EPS8L2: variants seen among roughly 807,000 people sequenced by gnomAD.
EPS8L2 encodes the protein EPS8 signaling adaptor L2.
EPS8L2 carries 81 observed loss-of-function variants against 99.4 expected under a neutral mutation model. The ratio of observed to expected loss-of-function variants is 0.82; its 90% confidence interval spans 0.68 to 0.98. The LOEUF (loss-of-function observed/expected upper bound fraction) is 0.98, where lower values mean the gene tolerates loss of function less well. Ranked by LOEUF, EPS8L2 falls within the 50% of genes least tolerant of loss-of-function variation. The probability of loss-of-function intolerance (pLI) is 0.00; values close to 1 mark genes in which losing one functional copy is unlikely to be tolerated. For synonymous variants in EPS8L2, 509 were observed against 407.3 expected, an observed-to-expected ratio of 1.25 and a Z score of -3.01; for missense variants, 1,155 against 968.8, an observed-to-expected ratio of 1.19 and a Z score of -2.55.
In EPS8L2 at chr11:727,100, A is replaced by G; in HGVS notation, c.*119A>G. On this transcript the variant is annotated 3_prime_UTR_variant, in exon 21 of 21. Coordinates refer to ENST00000318562, the MANE Select transcript of EPS8L2 (RefSeq NM_022772.4). ...ACACGGAGGGGGTGTGGTGCTGGCTAGAGGTCCCTGCCCCTGTCTGGAGGC... is the reference window on the plus strand; with the variant it reads ...ACACGGAGGGGGTGTGGTGCTGGCTGGAGGTCCCTGCCCCTGTCTGGAGGC... 1 of 740,898 alleles carries G rather than the reference A, an allele frequency of 1.3e-6. No homozygotes were observed. Among genetic ancestry groups the G allele is most frequent in the Non-Finnish European group, 2.3e-6 (1 of 443,674 alleles). The allele number at this position is 740,898 out of a possible 1,614,324, so 45.9% of individuals were successfully genotyped here. A position where few individuals can be genotyped will look rare whatever the true frequency, so the allele number is the denominator to read the frequency against.
intron 3 of EPS8L2, 60 bp from the exon 4 acceptor site, chr11:710,362 A>G (rs1861852065): frequency 1.4e-5 from 22 of 1,549,770 alleles, no homozygotes; most frequent in African/African-American, 2.7e-5. Flanking sequence ...TCCAGTCCCA[A>G]CTGGACGGGA....
Position 724,515 on chromosome 11 carries a change from C to G in EPS8L2, c.1455-209C>G. 1 of 582,632 alleles carries G rather than the reference C, an allele frequency of 1.7e-6. No individual in the cohort carries two copies. The highest frequency in any genetic ancestry group is 2.9e-5 in the East Asian group (1 of 34,636). The allele number at this position is 582,632 out of a possible 1,614,324, so 36.1% of individuals were successfully genotyped here. A position where few individuals can be genotyped will look rare whatever the true frequency, so the allele number is the denominator to read the frequency against. Reference sequence around the variant, plus strand: ...TGCGCCACGCCCACCTCCTGCCTGCCCCGCCTCCACGCAGGGCCCCAAAGC... The same window carrying G: ...TGCGCCACGCCCACCTCCTGCCTGCGCCGCCTCCACGCAGGGCCCCAAAGC... On this transcript the variant is annotated intron_variant, in intron 15 of 20. Transcript: ENST00000318562. The surrounding 1 kb of genome is among the most constrained non-coding windows in gnomAD (Gnocchi z 5.5).
chr11:727,024 C>G lies in EPS8L2; in HGVS notation c.*43C>G. ...TGGGGCCTGCGGAGGGGAAGCCCAC[C>G]CACAATGCATGGAGTATTATTTTTA... On this transcript the variant is annotated 3_prime_UTR_variant, in exon 21 of 21. Coordinates refer to ENST00000318562, the MANE Select transcript of EPS8L2 (RefSeq NM_022772.4). 1 of 1,296,680 alleles carries G rather than the reference C, an allele frequency of 7.7e-7. No homozygotes were observed. The highest frequency in any genetic ancestry group is 1.5e-5 in the African/African-American group (1 of 68,438). The allele number at this position is 1,296,680 out of a possible 1,614,324, so 80.3% of individuals were successfully genotyped here. A position where few individuals can be genotyped will look rare whatever the true frequency, so the allele number is the denominator to read the frequency against.
chr11:715,212 A>G (rs1290013594), intron 4 of EPS8L2, among the ~76,000 whole-genome samples: 1 of 151,850 alleles, frequency 6.6e-6, no homozygotes, highest in African/African-American at 2.4e-5. Context: ...ACTGCACTCC[A>G]GCCTGGGAGA....
chr11:725,761 C>A lies in EPS8L2; in HGVS notation c.1594C>A (p.Arg532Ser). The change falls in exon 17 of 21, where the codon CGC becomes AGC. Residue 532 changes from arginine (R) to serine (S), a missense_variant. By Grantham distance (110) the Arg-to-Ser change is moderately radical (BLOSUM62 -1). Transcript: ENST00000318562. The part of the protein sequence containing the change: ...LEDGRQWWKL[R>S]SRSGQAGYVP... Reference sequence around the variant, plus strand: ...GGACGGCCGGCAGTGGTGGAAGCTGCGCAGCCGCAGCGGCCAGGCGGGGTA... The same window carrying A: ...GGACGGCCGGCAGTGGTGGAAGCTGAGCAGCCGCAGCGGCCAGGCGGGGTA... The A allele has an allele frequency of 7.4e-7, 1 of 1,346,704 alleles. No homozygotes were observed. The allele number at this position is 1,346,704 out of a possible 1,614,324, so 83.4% of individuals were successfully genotyped here.
rs1186727334 is a variant in EPS8L2 at position 726,181 on chromosome 11, C to A, written c.1753+11C>A. 6.2e-7 allele frequency: 1 copy of A among 1,604,238 alleles called. No homozygotes were observed. Among genetic ancestry groups the A allele is most frequent in the Non-Finnish European group, 8.5e-7 (1 of 1,175,250 alleles). On this transcript the variant is annotated intron_variant, in intron 18 of 20. Coordinates refer to ENST00000318562, the MANE Select transcript of EPS8L2 (RefSeq NM_022772.4). Reference sequence around the variant, plus strand: ...CGGGGAACAAAGACGGTGAGAGCTGCTGCTTCGAGGCGGGGGTCCCGGGCC... The same window carrying A: ...CGGGGAACAAAGACGGTGAGAGCTGATGCTTCGAGGCGGGGGTCCCGGGCC...
chr11:720,568 C>G (rs777769940), intron 5 of EPS8L2, 29 bp from the exon 6 acceptor site: 2 of 1,584,630 alleles, frequency 1.3e-6, no homozygotes, highest in Admixed American at 3.6e-5. Flanking sequence ...ACCCCGGGTG[C>G]GAGTCGTGTC....
chr11:716,946 A>G (rs1862041271), intron 4 of EPS8L2, among the ~76,000 whole-genome samples: 1 of 152,132 alleles, frequency 6.6e-6, no homozygotes, highest in Non-Finnish European at 1.5e-5. Flanking sequence ...GTGGCCTCAT[A>G]GTCCCTTGCG....
At chr11:707,504 C>A (rs183488163) in intron 1 of EPS8L2, among the ~76,000 whole-genome samples, 20 of 152,334 alleles carry the variant, frequency 1.3e-4, no homozygotes, top group African/African-American at 4.8e-4. Context: ...CCGGGCACCC[C>A]GCTCTGCCTC....
chr11:720,787 G>T (rs1442850852), intron 6 of EPS8L2, 41 bp downstream of exon 6: 5 of 1,541,432 alleles, frequency 3.2e-6, no homozygotes, highest in Admixed American at 2.0e-5. Flanking sequence ...GCCCCGCCGC[G>T]CCGCGCCCCG....
chr11:711,358 G>T (rs1861886988), intron 4 of EPS8L2, among the ~76,000 whole-genome samples: 1 of 151,140 alleles, frequency 6.6e-6, no homozygotes, highest in Admixed American at 6.6e-5. Flanking sequence ...TTCATTTTGA[G>T]ACAGGGTCTA....
At chr11:710,925 G>T (rs1861872239) in intron 4 of EPS8L2, among the ~76,000 whole-genome samples, 1 of 152,220 alleles carries the variant, frequency 6.6e-6, no homozygotes, top group Non-Finnish European at 1.5e-5. Flanking sequence ...CCAGTCCTGG[G>T]AACTCGCGGC....
At position 724,051 on chromosome 11, in the gene EPS8L2, C is replaced by A. The variant is rs1244692472; in HGVS notation, c.1455-673C>A. Among the ~76,000 whole-genome samples, 5 of 152,226 alleles carry A rather than the reference C, an allele frequency of 3.3e-5. No homozygotes were observed. The highest frequency in any genetic ancestry group is 7.3e-5 in the Non-Finnish European group (5 of 68,040). On this transcript the variant is annotated intron_variant, in intron 15 of 20. Coordinates refer to ENST00000318562, the MANE Select transcript of EPS8L2 (RefSeq NM_022772.4). This position sits in a 1 kb window ranked among gnomAD's most constrained non-coding sequence, Gnocchi z 5.5. ...AAACATTTCCACCCTTTGACTTCAG[C>A]TCCTGGTCTGTCCACCCTGGCCATG...
intron 3 of EPS8L2, chr11:709,882 C>T (rs1861837617): frequency 1.8e-6 from 1 of 544,404 alleles, no homozygotes; most frequent in East Asian, 3.1e-5. Context: ...CTGATCACAG[C>T]GAGGTTCAGG....
chr11:727,048 T>C lies in EPS8L2; in HGVS notation c.*67T>C. On this transcript the variant is annotated 3_prime_UTR_variant, in exon 21 of 21. Transcript: ENST00000318562. ...CCCACAATGCATGGAGTATTATTTTTATATGTGTATGTATTTTGTATCAAG... is the reference window on the plus strand; with the variant it reads ...CCCACAATGCATGGAGTATTATTTTCATATGTGTATGTATTTTGTATCAAG... 1 of 1,094,326 alleles carries C rather than the reference T, an allele frequency of 9.1e-7. No individual in the cohort carries two copies. The allele number at this position is 1,094,326 out of a possible 1,614,324, so 67.8% of individuals were successfully genotyped here. A position where few individuals can be genotyped will look rare whatever the true frequency, so the allele number is the denominator to read the frequency against.
Position 721,368 on chromosome 11 carries a change from C to A in EPS8L2, c.768+16C>A. The A allele has an allele frequency of 6.5e-7, 1 of 1,539,194 alleles. No individual in the cohort carries two copies. On this transcript the variant is annotated intron_variant, in intron 9 of 20. Coordinates refer to ENST00000318562, the MANE Select transcript of EPS8L2 (RefSeq NM_022772.4). ...GAAGGAGACGGTGGGTGCCCGGGCC[C>A]GGCAGGTGGCCCCTCTCTTCCCCGC...
chr11:719,927 C>A, intron 4 of EPS8L2, 135 bp from the exon 5 acceptor site: 1 of 735,766 alleles, frequency 1.4e-6, no homozygotes, highest in Non-Finnish European at 2.2e-6. Flanking sequence ...CCACCAAAGG[C>A]GGGGCCGGTC....
At chr11:709,213 T>C in intron 1 of EPS8L2, 117 bp from the exon 2 acceptor site, 1 of 583,024 alleles carries the variant, frequency 1.7e-6, no homozygotes, top group Non-Finnish European at 2.8e-6. Context: ...GGGCAGGGGC[T>C]CTGCCCCCCA....
Position 721,109 on chromosome 11 carries a change from T to TC in EPS8L2, c.607dup (p.Gln203ProfsTer109), listed in dbSNP as rs1284887595. Reference sequence around the variant, plus strand: ...GGCAGCGGCAGTCCATCCTGCCTCCTCCCCAGGGCCCGGCGCCCATCCCCT... The same window carrying TC: ...GGCAGCGGCAGTCCATCCTGCCTCCTCCCCCAGGGCCCGGCGCCCATCCCCT... On this transcript the variant is annotated frameshift_variant, in exon 8 of 21. Coordinates refer to ENST00000318562, the MANE Select transcript of EPS8L2 (RefSeq NM_022772.4). LOFTEE classifies it high-confidence loss of function. 6.5e-7 allele frequency: 1 copy of TC among 1,531,042 alleles called. No homozygotes were observed. The highest frequency in any genetic ancestry group is 8.8e-7 in the Non-Finnish European group (1 of 1,141,350). 94.8% of individuals were successfully genotyped at this position (1,531,042 alleles called of 1,614,324 possible).
Sources: gnomAD v4.1 joint callset for allele counts (sites outside exome capture counted in the v4.1 genomes callset) on GRCh38, gnomAD v4.1.1 for gene constraint, Gnocchi (gnomAD v3.1) non-coding constraint, MANE v1.5 for transcripts, NCBI Gene and HGNC (gene_info 2026-07-23, HGNC 2026-07-21) for gene names.